The following SHMT1 variants were observed in gnomAD, a reference collection of about 807,000 sequenced individuals.
The protein encoded by SHMT1 is serine hydroxymethyltransferase, cytosolic.
A neutral mutation model predicts 49.0 loss-of-function variants in SHMT1; 45 were observed. The observed-to-expected ratio is 0.92, with a 90% CI of 0.72 to 1.18. The LOEUF (loss-of-function observed/expected upper bound fraction) is 1.18, where lower values mean the gene tolerates loss of function less well. Ranked by LOEUF, SHMT1 falls within the 50% of genes most tolerant of loss-of-function variation. The pLI, the probability that SHMT1 is intolerant of heterozygous loss-of-function variation, is 0.00. For synonymous variants in SHMT1, 232 were observed against 246.6 expected, an observed-to-expected ratio of 0.94 and a Z score of 0.55; for missense variants, 541 against 612.4, an observed-to-expected ratio of 0.88 and a Z score of 1.23.
chr17:18,359,165 G>T (rs945267484), intron 1 of SHMT1, among the ~76,000 whole-genome samples: 2 of 151,072 alleles, frequency 1.3e-5, no homozygotes, highest in South Asian at 4.2e-4. Context: ...TTGAACCCGG[G>T]AGGCGGAAGT....
chr17:18,344,275 G>A (rs1446525660), intron 5 of SHMT1, among the ~76,000 whole-genome samples: 1 of 152,288 alleles, frequency 6.6e-6, no homozygotes, highest in South Asian at 2.1e-4. Flanking sequence ...TTTGTTTGCT[G>A]TGTTTTGCTT....
chr17:18,329,392 C>A lies in SHMT1; in HGVS notation c.1172-4G>T. On this transcript the variant is annotated splice_region_variant and splice_polypyrimidine_tract_variant and intron_variant, in intron 10 of 11. Transcript: ENST00000316694. ...GGCCGCAGAGCGCTTCTGTCACCTA[C>A]AAGATAAACGGGGCTCTGTCCCTAA... 2 of 1,608,586 alleles carry A rather than the reference C, an allele frequency of 1.2e-6. No individual in the cohort carries two copies. Among genetic ancestry groups the A allele is most frequent in the African/African-American group, 1.3e-5 (1 of 74,932 alleles).
At chr17:18,351,760 G>T (rs887286646) in intron 3 of SHMT1, among the ~76,000 whole-genome samples, 1 of 151,614 alleles carries the variant, frequency 6.6e-6, no homozygotes, top group Non-Finnish European at 1.5e-5. Context: ...GTGACAGAGC[G>T]ATACTCCGTG....
chr17:18,357,213 AG>A (rs1290174455), intron 1 of SHMT1, among the ~76,000 whole-genome samples: 12 of 143,710 alleles, frequency 8.4e-5, no homozygotes, highest in Non-Finnish European at 1.5e-4. Context: ...TCTGGGAGGC[AG>A]AGCTTGCAGT....
At chr17:18,351,807 C>T (rs1985734473) in intron 3 of SHMT1, among the ~76,000 whole-genome samples, 1 of 151,478 alleles carries the variant, frequency 6.6e-6, no homozygotes, top group Non-Finnish European at 1.5e-5. Context: ...CATGAATAAA[C>T]GATGTAATTA....
At chr17:18,351,898 G>A (rs998278834) in intron 3 of SHMT1, among the ~76,000 whole-genome samples, 6 of 152,148 alleles carry the variant, frequency 3.9e-5, no homozygotes, top group Admixed American at 6.5e-5. Flanking sequence ...CAGCTGGAGT[G>A]CATTGGCAAA....
chr17:18,340,917 T>C lies in SHMT1; in HGVS notation c.520-104A>G. On this transcript the variant is annotated intron_variant, in intron 5 of 11. Transcript: ENST00000316694. The surrounding 1 kb of genome is among the most constrained non-coding windows in gnomAD (Gnocchi z 4.5). ...CCACCCACCATGACAAGAGGAATGA[T>C]GTCCTAGATGAGGACTTGAGGGTGA... 2 of 817,554 alleles carry C rather than the reference T, an allele frequency of 2.4e-6. No individual in the cohort carries two copies. Among genetic ancestry groups the C allele is most frequent in the Non-Finnish European group, 4.1e-6 (2 of 482,322 alleles). 50.6% of individuals were successfully genotyped at this position (817,554 alleles called of 1,614,324 possible).
chr17:18,355,050 C>CAA (rs768492183), intron 2 of SHMT1, among the ~76,000 whole-genome samples: 8 of 24,464 alleles, frequency 3.3e-4, no homozygotes, highest in Non-Finnish European at 4.0e-4. Flanking sequence ...GACTATATCT[C>CAA]AAAAAAAAAA....
chr17:18,357,009 C>T (rs1408845498), intron 1 of SHMT1, among the ~76,000 whole-genome samples: 2 of 152,026 alleles, frequency 1.3e-5, no homozygotes, highest in African/African-American at 4.8e-5. Flanking sequence ...CGGCCGGGCA[C>T]GGTGGCTCAC....
chr17:18,334,284 TC>T (rs1313492715), intron 8 of SHMT1, among the ~76,000 whole-genome samples: 1 of 151,808 alleles, frequency 6.6e-6, no homozygotes, highest in African/African-American at 2.4e-5. Context: ...AGACGGGCTT[TC>T]TTCATGTTGG....
At chr17:18,350,224 G>A (rs540116230) in intron 3 of SHMT1, among the ~76,000 whole-genome samples, 16 of 150,734 alleles carry the variant, frequency 1.1e-4, no homozygotes, top group Non-Finnish European at 2.1e-4. Flanking sequence ...CCAGCTACTC[G>A]GGAGGCTGAG....
chr17:18,340,467 AACT>A lies in SHMT1; in HGVS notation c.602-215_602-213del, dbSNP rs546371699. On this transcript the variant is annotated intron_variant, in intron 6 of 11. Coordinates refer to ENST00000316694, the MANE Select transcript of SHMT1 (RefSeq NM_004169.5). This position sits in a 1 kb window ranked among gnomAD's most constrained non-coding sequence, Gnocchi z 4.5. ...ACGTCTTGGTGGTTGAGATGGCCCC[AACT>A]ACTATTGCCAGCGCAGTCAGGGCCT... 3.7e-4 allele frequency: 251 copies of A among 677,038 alleles called. 1 individual carries two copies. The South Asian group carries it at 4.1e-3, about 11-fold the overall frequency. 41.9% of individuals were successfully genotyped at this position (677,038 alleles called of 1,614,324 possible).
intron 2 of SHMT1, among the ~76,000 whole-genome samples, chr17:18,355,241 GC>G (rs1315170032): frequency 6.6e-6 from 1 of 150,986 alleles, no homozygotes; most frequent in Non-Finnish European, 1.5e-5. Flanking sequence ...GTGGTGGCAG[GC>G]ACCTGTAGTC....
intron 3 of SHMT1, among the ~76,000 whole-genome samples, chr17:18,349,686 T>A (rs1985474348): frequency 6.6e-6 from 1 of 152,060 alleles, no homozygotes; most frequent in African/African-American, 2.4e-5. Context: ...ACCACTGCAC[T>A]ACAGCTGGAG....
intron 5 of SHMT1, among the ~76,000 whole-genome samples, chr17:18,343,164 T>C (rs1406215654): frequency 6.6e-6 from 1 of 151,948 alleles, no homozygotes; most frequent in Admixed American, 6.6e-5. Flanking sequence ...ATACAAATCA[T>C]AACATCACTG....
chr17:18,335,543 G>A lies in SHMT1; in HGVS notation c.931+16C>T, dbSNP rs1338111743. 4.5e-6 allele frequency: 7 copies of A among 1,538,772 alleles called. No individual in the cohort carries two copies. Among genetic ancestry groups the A allele is most frequent in the South Asian group, 2.2e-5 (2 of 89,544 alleles). ...ATTAGGGGCTACAGGATGAGCAGAGGCAGATGATGTTTTACCAGCAATGGC... is the reference window on the plus strand; with the variant it reads ...ATTAGGGGCTACAGGATGAGCAGAGACAGATGATGTTTTACCAGCAATGGC... On this transcript the variant is annotated intron_variant, in intron 8 of 11. Coordinates refer to ENST00000316694, the MANE Select transcript of SHMT1 (RefSeq NM_004169.5).
rs762531249 is a variant in SHMT1, at chr17:18,347,603, T to C, written c.412A>G (p.Ile138Val). 1.2e-6 allele frequency: 2 copies of C among 1,614,158 alleles called. No homozygotes were observed. Among genetic ancestry groups the C allele is most frequent in the East Asian group, 2.2e-5 (1 of 44,890 alleles). Residue 138 changes from isoleucine (I) to valine (V), a missense_variant, in exon 5 of 12, where the codon ATC (isoleucine) becomes GTC (valine). Coordinates refer to ENST00000316694, the MANE Select transcript of SHMT1 (RefSeq NM_004169.5). ...CCATCCGGAAGGTCCAGGCCCATGA[T>C]GCGCCCATGGGGTTCCACCAGGGCA... is the stretch of plus-strand genomic sequence containing the variant. ...YTALVEPHGR[I>V]MGLDLPDGGH...
At chr17:18,341,838 C>G (rs1388817284) in intron 5 of SHMT1, among the ~76,000 whole-genome samples, 2 of 152,054 alleles carry the variant, frequency 1.3e-5, no homozygotes, top group African/African-American at 4.8e-5. Context: ...CATGGAAGGG[C>G]AGAGCATCTG....
At position 18,356,517 on chromosome 17, in the gene SHMT1, G is replaced by A. The variant is rs542611597; in HGVS notation, c.-19-517C>T. Among the ~76,000 whole-genome samples, 7 of 151,754 alleles carry A rather than the reference G, an allele frequency of 4.6e-5. No homozygotes were observed. The South Asian group carries it at 8.3e-4, about 18-fold the overall frequency. On this transcript the variant is annotated intron_variant, in intron 1 of 11. Transcript: ENST00000316694. The stretch of plus-strand genomic sequence containing the variant: ...CGCCTGGCTAATTTGTGTATTTTTC[G>A]TAGAGATGGAGTTTTATCACGTTGG...
Sources: allele counts gnomAD v4.1 joint callset (sites outside exome capture counted in the v4.1 genomes callset), GRCh38; gene constraint gnomAD v4.1.1; non-coding constraint Gnocchi (gnomAD v3.1); transcripts MANE v1.5; gene names NCBI Gene and HGNC (gene_info 2026-07-23, HGNC 2026-07-21).